The following STPG2 variants were observed in gnomAD, a reference collection of about 807,000 sequenced individuals.
STPG2 encodes the protein sperm-tail PG-rich repeat-containing protein 2.
Under a neutral mutation model 54.2 loss-of-function variants are expected in STPG2, and 56 were observed. The ratio of observed to expected loss-of-function variants is 1.03; its 90% CI spans 0.83 to 1.29. The LOEUF (loss-of-function observed/expected upper bound fraction) is 1.29. Ranked by LOEUF, STPG2 falls within the 50% of genes most tolerant of loss-of-function variation. The pLI is 0.00. For synonymous variants in STPG2, 200 were observed against 181.8 expected, an observed-to-expected ratio of 1.10 and a Z score of -0.81; for missense variants, 596 against 544.9, an observed-to-expected ratio of 1.09 and a Z score of -0.93.
intron 10 of STPG2, among the ~76,000 whole-genome samples, chr4:97,684,814 A>C (rs1723139450): frequency 1.3e-5 from 2 of 151,932 alleles, no homozygotes; most frequent in Admixed American, 1.3e-4. Context: ...GAGACAAGCC[A>C]AAAATTGGAA....
At chr4:97,859,108 C>G (rs569503874) in intron 8 of STPG2, among the ~76,000 whole-genome samples, 1 of 152,270 alleles carries the variant, frequency 6.6e-6, no homozygotes, top group Non-Finnish European at 1.5e-5. Flanking sequence ...AAGGTGGAAT[C>G]TCATTGTAAT....
intron 4 of STPG2, among the ~76,000 whole-genome samples, chr4:97,549,686 G>A (rs900333773): frequency 1.3e-5 from 2 of 152,136 alleles, no homozygotes; most frequent in Non-Finnish European, 2.9e-5. Context: ...GAGAAGAAGG[G>A]CAACTACAGA....
At chr4:97,806,685 T>C (rs536765485) in intron 9 of STPG2, among the ~76,000 whole-genome samples, 27 of 152,228 alleles carry the variant, frequency 1.8e-4, no homozygotes, top group Admixed American at 1.6e-3. Context: ...AAAAATATCA[T>C]TTGAGGTAGA....
At chr4:97,545,993 CACACATAGTTTAAT>C (rs1281679120) in intron 4 of STPG2, among the ~76,000 whole-genome samples, 5 of 151,936 alleles carry the variant, frequency 3.3e-5, no homozygotes, top group African/African-American at 1.2e-4. Context: ...AGAAGTAGGA[CACACATAGTTTAAT>C]ACCTCAATTT....
chr4:97,495,064 T>C (rs188556642), intron 4 of STPG2, among the ~76,000 whole-genome samples: 3 of 151,598 alleles, frequency 2.0e-5, no homozygotes, highest in Admixed American at 6.6e-5. Context: ...TCAGAACTCA[T>C]ATTTTAGTGT....
chr4:98,131,635 C>T (rs1196700999), intron 2 of STPG2, among the ~76,000 whole-genome samples: 1 of 152,108 alleles, frequency 6.6e-6, no homozygotes, highest in Non-Finnish European at 1.5e-5. Context: ...TCTAAACAAA[C>T]AGTGACCAAA....
At chr4:97,634,482 T>C (rs1013865277) in intron 10 of STPG2, among the ~76,000 whole-genome samples, 1 of 152,132 alleles carries the variant, frequency 6.6e-6, no homozygotes, top group African/African-American at 2.4e-5. Context: ...AGAACAAAGC[T>C]GGACAGAGAA....
intron 10 of STPG2, among the ~76,000 whole-genome samples, chr4:97,628,827 C>T (rs990035611): frequency 6.6e-6 from 1 of 151,950 alleles, no homozygotes; most frequent in African/African-American, 2.4e-5. Flanking sequence ...TTGATTTTTA[C>T]AATATTGTCA....
intron 9 of STPG2, among the ~76,000 whole-genome samples, chr4:97,738,051 A>C (rs1046529716): frequency 1.3e-5 from 2 of 152,224 alleles, no homozygotes; most frequent in Admixed American, 1.3e-4. Context: ...AGCGAAGGCC[A>C]ATATTCAACA....
At chr4:97,796,719 T>A (rs974565609) in intron 9 of STPG2, among the ~76,000 whole-genome samples, 1 of 152,196 alleles carries the variant, frequency 6.6e-6, no homozygotes, top group Admixed American at 6.5e-5. Flanking sequence ...TTAAAGTAGT[T>A]TTTTCCAATT....
At chr4:97,681,394 T>C (rs893377335) in intron 10 of STPG2, among the ~76,000 whole-genome samples, 2 of 151,852 alleles carry the variant, frequency 1.3e-5, no homozygotes, top group African/African-American at 4.8e-5. Flanking sequence ...TTCTGTGCTA[T>C]GGTAGGTATC....
At chr4:97,790,769 G>A (rs1330685590) in intron 9 of STPG2, among the ~76,000 whole-genome samples, 1 of 152,122 alleles carries the variant, frequency 6.6e-6, no homozygotes, top group Non-Finnish European at 1.5e-5. Context: ...CATGTGATTA[G>A]ATTGGGCCCA....
chr4:97,982,044 C>T (rs931879900), intron 5 of STPG2, among the ~76,000 whole-genome samples: 3 of 151,678 alleles, frequency 2.0e-5, no homozygotes, highest in Non-Finnish European at 4.4e-5. Context: ...GCCACCATGC[C>T]CAGCTATTTT....
intron 4 of STPG2, among the ~76,000 whole-genome samples, chr4:97,446,737 G>A (rs996678557): frequency 2.6e-5 from 4 of 152,178 alleles, no homozygotes; most frequent in Non-Finnish European, 5.9e-5. Context: ...TTGTGAAGAA[G>A]GTACTGGCTT....
intron 4 of STPG2, among the ~76,000 whole-genome samples, chr4:97,492,555 ATAGT>A (rs1730524132): frequency 6.6e-6 from 1 of 151,508 alleles, no homozygotes; most frequent in Non-Finnish European, 1.5e-5. Context: ...GCTATAGAAA[ATAGT>A]TAGATTCCTT....
At chr4:98,070,288 A>G (rs28456179) in intron 5 of STPG2, among the ~76,000 whole-genome samples, 60,205 of 151,818 alleles carry the variant, frequency 0.4, 12,246 homozygotes, top group Middle Eastern at 0.46. Flanking sequence ...CTCAACAGAC[A>G]CAGAAAGGGC....
At chr4:98,136,851 A>G (rs1740148357) in intron 1 of STPG2, among the ~76,000 whole-genome samples, 1 of 150,336 alleles carries the variant, frequency 6.7e-6, no homozygotes, top group African/African-American at 2.5e-5. Context: ...AAAATAAAAC[A>G]AGAGAGGTAT....
chr4:97,956,803 A>T (rs1733690822), intron 7 of STPG2, among the ~76,000 whole-genome samples: 1 of 152,186 alleles, frequency 6.6e-6, no homozygotes. Flanking sequence ...CCATGGGACA[A>T]ATTAATCTTG....
At chr4:97,564,321 G>A (rs1460692800) in intron 10 of STPG2, among the ~76,000 whole-genome samples, 1 of 152,110 alleles carries the variant, frequency 6.6e-6, no homozygotes, top group Non-Finnish European at 1.5e-5. Flanking sequence ...TTGAGCCTAT[G>A]TGTGTCTCTG....
Sources: gnomAD v4.1 joint callset for allele counts (sites outside exome capture counted in the v4.1 genomes callset) on GRCh38, gnomAD v4.1.1 for gene constraint, MANE v1.5 for transcripts, NCBI Gene and HGNC (gene_info 2026-07-23, HGNC 2026-07-21) for gene names.